Variants in KCNQ1 observed in about 807,000 individuals in gnomAD.
KCNQ1 encodes the protein potassium voltage-gated channel subfamily Q member 1, also known as potassium voltage-gated channel subfamily KQT member 1.
Under a neutral mutation model 72.4 loss-of-function variants are expected in KCNQ1, and 49 were observed. That is an observed-to-expected ratio of 0.68 (90% CI 0.54 to 0.86). The LOEUF (loss-of-function observed/expected upper bound fraction) is 0.86, where lower values mean the gene tolerates loss of function less well. Among genes scored for constraint, KCNQ1 ranks in the 40% least tolerant of loss-of-function variants. The probability of loss-of-function intolerance (pLI) is 0.00; values close to 1 mark genes in which losing one functional copy is unlikely to be tolerated. For synonymous variants in KCNQ1, 450 were observed against 412.6 expected (o/e 1.09, Z -1.10); for missense variants, 790 against 945.1 (o/e 0.84, Z 2.15).
chr11:2,453,171 C>T (rs1050008559), intron 1 of KCNQ1, among the ~76,000 whole-genome samples: 1 of 152,274 alleles, frequency 6.6e-6, no homozygotes, highest in Non-Finnish European at 1.5e-5. Flanking sequence ...GTCGGGAGTT[C>T]GAGACCAGCC....
chr11:2,480,914 G>A (rs1285212474), intron 1 of KCNQ1, among the ~76,000 whole-genome samples: 1 of 152,214 alleles, frequency 6.6e-6, no homozygotes, highest in African/African-American at 2.4e-5. Context: ...AGTCTGGAGA[G>A]GGACAGGATG....
intron 2 of KCNQ1, among the ~76,000 whole-genome samples, chr11:2,529,899 C>T (rs1847588188): frequency 6.6e-6 from 1 of 152,126 alleles, no homozygotes; most frequent in Non-Finnish European, 1.5e-5. Context: ...CGATGCCTGG[C>T]GTGGTTTTAC....
At chr11:2,775,151 A>T (rs1301689495) in intron 12 of KCNQ1, among the ~76,000 whole-genome samples, 1 of 152,188 alleles carries the variant, frequency 6.6e-6, no homozygotes, top group Non-Finnish European at 1.5e-5. Flanking sequence ...TAGGCCATCA[A>T]ACCCCTGCTC....
intron 1 of KCNQ1, among the ~76,000 whole-genome samples, chr11:2,460,125 G>T (rs933630813): frequency 6.6e-6 from 1 of 152,096 alleles, no homozygotes; most frequent in Non-Finnish European, 1.5e-5. Flanking sequence ...AGTGCCCATG[G>T]GCAGCAGAGG....
At position 2,450,086 on chromosome 11, in the gene KCNQ1, C is replaced by A. The variant is rs534467754; in HGVS notation, c.386+4602C>A. Among the ~76,000 whole-genome samples the A allele has an allele frequency of 2.0e-5, 3 of 152,224 alleles. No individual in the cohort carries two copies. Among genetic ancestry groups the A allele is most frequent in the Non-Finnish European group, 4.4e-5 (3 of 68,030 alleles). Reference sequence around the variant, plus strand: ...GGCCCCCAGTTCCCTGCATTCCACCCGCCTTGTCTGGGAGGTGGACGAGCC... The same window carrying A: ...GGCCCCCAGTTCCCTGCATTCCACCAGCCTTGTCTGGGAGGTGGACGAGCC... On this transcript the variant is annotated intron_variant, in intron 1 of 15. Coordinates refer to ENST00000155840, the MANE Select transcript of KCNQ1 (RefSeq NM_000218.3). This position sits in a 1 kb window ranked among gnomAD's most constrained non-coding sequence, Gnocchi z 7.9.
At chr11:2,487,456 A>G (rs1271872959) in intron 1 of KCNQ1, among the ~76,000 whole-genome samples, 1 of 152,176 alleles carries the variant, frequency 6.6e-6, no homozygotes, top group African/African-American at 2.4e-5. Flanking sequence ...TCTATAAATC[A>G]CTTTGGGTAG....
At position 2,536,929 on chromosome 11, in the gene KCNQ1, C is replaced by G. The variant is rs544288286; in HGVS notation, c.477+8911C>G. Among the ~76,000 whole-genome samples, 2 of 151,978 alleles carry G rather than the reference C, an allele frequency of 1.3e-5. No individual in the cohort carries two copies. The highest frequency in any genetic ancestry group is 4.8e-5 in the African/African-American group (2 of 41,260). On this transcript the variant is annotated intron_variant, in intron 2 of 15. Coordinates refer to ENST00000155840, the MANE Select transcript of KCNQ1 (RefSeq NM_000218.3). This position sits in a 1 kb window ranked among gnomAD's most constrained non-coding sequence, Gnocchi z 7.4. ...CTAGATGTAGTACCCCAATCCCCCC[C>G]AGTCCCTCCCTTTACCTCACAGGGC...
intron 2 of KCNQ1, among the ~76,000 whole-genome samples, chr11:2,557,873 G>A (rs1313512042): frequency 6.6e-6 from 1 of 152,186 alleles, no homozygotes; most frequent in Non-Finnish European, 1.5e-5. Flanking sequence ...CCCTAGTAAT[G>A]GAGTTGTTTT....
chr11:2,453,939 TTTAA>T (rs2133571347), intron 1 of KCNQ1, among the ~76,000 whole-genome samples: 1 of 152,306 alleles, frequency 6.6e-6, no homozygotes, highest in Admixed American at 6.5e-5. Flanking sequence ...TCAGGATTTA[TTTAA>T]TTATTTTTTT....
Position 2,705,258 on chromosome 11 carries a change from G to C in KCNQ1, c.1514+43177G>C, listed in dbSNP as rs539170940. Among the ~76,000 whole-genome samples, 5 of 152,334 alleles carry C rather than the reference G, an allele frequency of 3.3e-5. No homozygotes were observed. In the South Asian group the frequency reaches 1.0e-3, roughly 32 times the overall value. ...AGTGATAACGTGAGGCCAGACGGGT[G>C]GGGGGTCTGGAGTTCAGGCGGTCTC... On this transcript the variant is annotated intron_variant, in intron 11 of 15. Coordinates refer to ENST00000155840, the MANE Select transcript of KCNQ1 (RefSeq NM_000218.3).
intron 15 of KCNQ1, 24 bp downstream of exon 15, chr11:2,778,061 G>A: frequency 6.2e-7 from 1 of 1,612,124 alleles, no homozygotes; most frequent in South Asian, 1.1e-5. Flanking sequence ...CCGGCCTGCG[G>A]TGGTTCTGGT....
At chr11:2,545,873 C>T (rs995676621) in intron 2 of KCNQ1, among the ~76,000 whole-genome samples, 1 of 152,188 alleles carries the variant, frequency 6.6e-6, no homozygotes, top group Non-Finnish European at 1.5e-5. Flanking sequence ...TCTCTTCTCT[C>T]ATTCCTGATA....
At chr11:2,585,167 G>A (rs980671213) in intron 7 of KCNQ1, 45 bp from the exon 8 acceptor site, 3 of 1,532,656 alleles carry the variant, frequency 2.0e-6, no homozygotes, top group Non-Finnish European at 2.7e-6. Flanking sequence ...CACCCAGCTG[G>A]CAGTGGCCTG....
chr11:2,661,901 C>T lies in KCNQ1; in HGVS notation c.1394-60C>T. 5.0e-6 allele frequency: 8 copies of T among 1,611,962 alleles called. 1 individual carries two copies. Among genetic ancestry groups the T allele is most frequent in the Non-Finnish European group, 6.8e-6 (8 of 1,178,388 alleles). Reference sequence around the variant, plus strand: ...GCCCTGGGAGCTCACAGGCCTGGCTCCACAGCACTGGCAGGTTGGGTGGGA... The same window carrying T: ...GCCCTGGGAGCTCACAGGCCTGGCTTCACAGCACTGGCAGGTTGGGTGGGA... On this transcript the variant is annotated intron_variant, in intron 10 of 15. Coordinates refer to ENST00000155840, the MANE Select transcript of KCNQ1 (RefSeq NM_000218.3). The surrounding 1 kb of genome is among the most constrained non-coding windows in gnomAD (Gnocchi z 5.9).
chr11:2,650,172 C>A (rs1849735330), intron 10 of KCNQ1: 2 of 398,386 alleles, frequency 5.0e-6, no homozygotes, highest in Non-Finnish European at 8.8e-6. Flanking sequence ...CTGGATTTCC[C>A]ATTTAGATAA....
chr11:2,838,622 A>G (rs1848134434), intron 15 of KCNQ1, among the ~76,000 whole-genome samples: 1 of 152,156 alleles, frequency 6.6e-6, no homozygotes, highest in Non-Finnish European at 1.5e-5. Context: ...ATGGCCCAGC[A>G]AGTGGCTGAG....
intron 11 of KCNQ1, among the ~76,000 whole-genome samples, chr11:2,733,804 A>T (rs71476686): frequency 0.067 from 2,396 of 35,690 alleles, 125 homozygotes; most frequent in Middle Eastern, 0.091. Context: ...ACACACACAC[A>T]CACACACACA....
At chr11:2,743,757 C>A (rs748129630) in intron 11 of KCNQ1, among the ~76,000 whole-genome samples, 25 of 152,248 alleles carry the variant, frequency 1.6e-4, no homozygotes, top group African/African-American at 5.3e-4. Context: ...TCGTGACAGG[C>A]CTTTGAGCCT....
At chr11:2,697,565 C>A (rs1010961908) in intron 11 of KCNQ1, 8 of 398,620 alleles carry the variant, frequency 2.0e-5, no homozygotes, top group Non-Finnish European at 3.1e-5. Context: ...TACTCCACTA[C>A]CCCAAAATCA....
Sources: allele counts gnomAD v4.1 joint callset (sites outside exome capture counted in the v4.1 genomes callset), GRCh38; gene constraint gnomAD v4.1.1; non-coding constraint Gnocchi (gnomAD v3.1); transcripts MANE v1.5; gene names NCBI Gene and HGNC (gene_info 2026-07-23, HGNC 2026-07-21).